Variants in MIPOL1 observed in about 807,000 individuals in gnomAD.
The protein encoded by MIPOL1 is mirror-image polydactyly 1, also known as mirror-image polydactyly gene 1 protein.
In MIPOL1, 57 loss-of-function variants were observed where a neutral mutation model predicts 60.9. The ratio of observed to expected loss-of-function variants is 0.94; its 90% CI spans 0.76 to 1.17. The LOEUF (loss-of-function observed/expected upper bound fraction) is 1.17. Among genes scored for constraint, MIPOL1 ranks in the 50% most tolerant of loss-of-function variants. The pLI, the probability that MIPOL1 is intolerant of heterozygous loss-of-function variation, is 0.00. For missense variants in MIPOL1, 551 were observed against 511.6 expected, an observed-to-expected ratio of 1.08 and a Z score of -0.74; for synonymous variants, 179 against 168.8, an observed-to-expected ratio of 1.06 and a Z score of -0.47.
chr14:37,295,498 G>A (rs546179916), intron 7 of MIPOL1, among the ~76,000 whole-genome samples: 62 of 152,078 alleles, frequency 4.1e-4, no homozygotes, highest in Admixed American at 8.5e-4. Flanking sequence ...CAATTAAAAG[G>A]CACAGACTGG....
chr14:37,475,724 A>T (rs2094762513), intron 11 of MIPOL1, among the ~76,000 whole-genome samples: 1 of 152,172 alleles, frequency 6.6e-6, no homozygotes, highest in Non-Finnish European at 1.5e-5. Context: ...TTTGTCAAAG[A>T]TCAGTTGACA....
intron 11 of MIPOL1, among the ~76,000 whole-genome samples, chr14:37,496,661 C>G (rs2095135027): frequency 4.0e-5 from 6 of 151,498 alleles, no homozygotes; most frequent in African/African-American, 1.2e-4. Context: ...AGGATACAAA[C>G]AAATGGAAGA....
Position 37,470,115 on chromosome 14 carries a change from G to A in MIPOL1, c.1032-29793G>A, listed in dbSNP as rs557657211. Among the ~76,000 whole-genome samples the A allele has an allele frequency of 7.6e-4, 116 of 152,252 alleles. 1 individual carries two copies. Among genetic ancestry groups the A allele is most frequent in the Admixed American group, 2.2e-3 (33 of 15,296 alleles). ...CTAAGGAAAGGAGGAAGAAGAGAAA[G>A]AGCCAATTTGCAGAGGGGTATGAAA... On this transcript the variant is annotated intron_variant, in intron 11 of 12. Transcript: ENST00000684589.
chr14:37,438,557 C>T (rs2094197426), intron 11 of MIPOL1, among the ~76,000 whole-genome samples: 1 of 152,136 alleles, frequency 6.6e-6, no homozygotes, highest in Admixed American at 6.6e-5. Context: ...ACTCATGCCT[C>T]CCTCAGAAAT....
At chr14:37,472,670 T>A (rs950450802) in intron 11 of MIPOL1, among the ~76,000 whole-genome samples, 5 of 152,182 alleles carry the variant, frequency 3.3e-5, no homozygotes, top group African/African-American at 1.2e-4. Context: ...GAGAACATCT[T>A]ATTTTTTTTT....
Position 37,393,070 on chromosome 14 carries a change from G to GA in MIPOL1, c.936+23453dup, listed in dbSNP as rs776454058. 2.6e-4 allele frequency among the ~76,000 whole-genome samples: 40 copies of GA among 151,890 alleles called. 1 individual carries two copies. The highest frequency in any genetic ancestry group is 4.7e-4 in the Non-Finnish European group (32 of 67,960). On this transcript the variant is annotated intron_variant, in intron 10 of 12. Transcript: ENST00000684589. ...TTGGACACAGATACAAAAGACACAG[G>GA]AAAAAAAGCCATGTAATGAGGCAGA...
intron 7 of MIPOL1, among the ~76,000 whole-genome samples, chr14:37,292,022 T>A (rs2085113903): frequency 6.7e-6 from 1 of 148,756 alleles, no homozygotes; most frequent in South Asian, 2.2e-4. Context: ...ACCTCCCGGG[T>A]TCATGCCATT....
intron 12 of MIPOL1, among the ~76,000 whole-genome samples, chr14:37,534,153 T>G (rs376709472): frequency 2.1e-3 from 312 of 151,678 alleles, no homozygotes; most frequent in Non-Finnish European, 3.6e-3. Context: ...CCAGAAGCAG[T>G]GATTCATTGT....
chr14:37,463,041 C>T (rs1433926787), intron 11 of MIPOL1, among the ~76,000 whole-genome samples: 2 of 152,144 alleles, frequency 1.3e-5, no homozygotes, highest in African/African-American at 4.8e-5. Context: ...TGTTTTCATG[C>T]TGCTGATAAA....
intron 9 of MIPOL1, among the ~76,000 whole-genome samples, chr14:37,325,293 T>C (rs2089033884): frequency 6.6e-6 from 1 of 152,114 alleles, no homozygotes; most frequent in Admixed American, 6.6e-5. Flanking sequence ...TATGTTGACA[T>C]ATATTTTATA....
intron 7 of MIPOL1, among the ~76,000 whole-genome samples, chr14:37,288,712 G>C (rs2084796315): frequency 6.6e-6 from 1 of 152,058 alleles, no homozygotes; most frequent in African/African-American, 2.4e-5. Flanking sequence ...TTTATAGGCT[G>C]AGGTGGGAGG....
At chr14:37,341,572 CTG>C (rs1457123428) in intron 9 of MIPOL1, among the ~76,000 whole-genome samples, 1 of 152,084 alleles carries the variant, frequency 6.6e-6, no homozygotes, top group Non-Finnish European at 1.5e-5. Context: ...TAAAAAATAT[CTG>C]TATCTCTGTT....
rs890465130 is a variant in MIPOL1, at chr14:37,518,624, C to T, written c.1262+18486C>T. Among the ~76,000 whole-genome samples, 4 of 152,130 alleles carry T rather than the reference C, an allele frequency of 2.6e-5. No individual in the cohort carries two copies. The South Asian group carries it at 8.3e-4, about 32-fold the overall frequency. ...TGCTGGGATTATAGGCATGAGCCAC[C>T]GCAACTGGCGTGATTTTAAATATAT... On this transcript the variant is annotated intron_variant, in intron 12 of 12. Coordinates refer to ENST00000684589, the MANE Select transcript of MIPOL1 (RefSeq NM_001388067.1).
intron 11 of MIPOL1, among the ~76,000 whole-genome samples, chr14:37,447,561 G>A (rs577833796): frequency 5.2e-4 from 79 of 152,162 alleles, no homozygotes; most frequent in South Asian, 8.3e-4. Context: ...CACTCACCAG[G>A]CACTGAAATG....
At chr14:37,310,534 G>C (rs2087230286) in intron 9 of MIPOL1, among the ~76,000 whole-genome samples, 1 of 152,062 alleles carries the variant, frequency 6.6e-6, no homozygotes, top group African/African-American at 2.4e-5. Context: ...TCTATTTAAA[G>C]ACAATCTCTC....
intron 3 of MIPOL1, among the ~76,000 whole-genome samples, chr14:37,257,828 C>T (rs752005114): frequency 6.6e-5 from 10 of 152,122 alleles, no homozygotes; most frequent in Admixed American, 1.3e-4. Context: ...TTTTATTATT[C>T]GTGCTTGAAT....
At chr14:37,481,440 G>A (rs930840483) in intron 11 of MIPOL1, among the ~76,000 whole-genome samples, 1 of 151,998 alleles carries the variant, frequency 6.6e-6, no homozygotes, top group East Asian at 1.9e-4. Flanking sequence ...CTGTTAAAAT[G>A]TCACACCAAA....
At chr14:37,258,446 G>T (rs1975327630) in intron 3 of MIPOL1, among the ~76,000 whole-genome samples, 1 of 151,926 alleles carries the variant, frequency 6.6e-6, no homozygotes, top group African/African-American at 2.4e-5. Flanking sequence ...TTTTGAGAAA[G>T]GCTGAAAAGG....
chr14:37,303,222 T>C (rs1189073754), intron 7 of MIPOL1, among the ~76,000 whole-genome samples: 1 of 151,954 alleles, frequency 6.6e-6, no homozygotes, highest in Admixed American at 6.6e-5. Context: ...CTTAGAGGGC[T>C]AGACTACTTG....
Sources: allele counts gnomAD v4.1 joint callset (sites outside exome capture counted in the v4.1 genomes callset), GRCh38; gene constraint gnomAD v4.1.1; transcripts MANE v1.5; gene names NCBI Gene and HGNC (gene_info 2026-07-23, HGNC 2026-07-21).